Variants in FBXL17 observed in about 807,000 individuals in gnomAD.
FBXL17 encodes F-box/LRR-repeat protein 17.
FBXL17 carries 22 observed loss-of-function variants against 66.2 expected under a neutral mutation model. The observed-to-expected ratio is 0.33, with a 90% confidence interval of 0.24 to 0.47. The LOEUF (loss-of-function observed/expected upper bound fraction) is 0.47. Ranked by LOEUF, FBXL17 falls within the 20% of genes least tolerant of loss-of-function variation. FBXL17 has a pLI of 1.00. For missense variants in FBXL17, 878 were observed against 948.2 expected (o/e 0.93, Z 0.97); for synonymous variants, 474 against 400.5 (o/e 1.18, Z -2.19).
intron 6 of FBXL17, among the ~76,000 whole-genome samples, chr5:108,050,743 C>G (rs1237101625): frequency 4.6e-5 from 7 of 151,794 alleles, no homozygotes; most frequent in Non-Finnish European, 1.0e-4. Context: ...GAAACTCCCC[C>G]CCAAAAAATG....
intron 7 of FBXL17, among the ~76,000 whole-genome samples, chr5:107,965,992 C>T (rs1014038940): frequency 2.6e-5 from 4 of 152,126 alleles, no homozygotes; most frequent in African/African-American, 7.2e-5. Context: ...CTGACTAAAA[C>T]AAACAAAAGG....
chr5:107,998,543 T>C (rs1753573193), intron 7 of FBXL17, among the ~76,000 whole-genome samples: 1 of 151,762 alleles, frequency 6.6e-6, no homozygotes, highest in African/African-American at 2.4e-5. Context: ...TAATTCTAAA[T>C]ATATATATTC....
At chr5:108,222,540 T>C (rs1035296470) in intron 5 of FBXL17, among the ~76,000 whole-genome samples, 1 of 152,152 alleles carries the variant, frequency 6.6e-6, no homozygotes, top group Non-Finnish European at 1.5e-5. Context: ...ACAATAAAAT[T>C]AAAGCTAATC....
At chr5:108,173,733 A>G (rs1752692541) in intron 6 of FBXL17, among the ~76,000 whole-genome samples, 3 of 152,236 alleles carry the variant, frequency 2.0e-5, no homozygotes, top group Admixed American at 1.3e-4. Flanking sequence ...AATATGGTGA[A>G]CAGAGAAACA....
chr5:107,982,338 T>C (rs1397710079), intron 7 of FBXL17, among the ~76,000 whole-genome samples: 2 of 152,172 alleles, frequency 1.3e-5, no homozygotes. Context: ...AAGGCTTTTA[T>C]ATTAGGATGT....
At chr5:107,944,914 G>T (rs574905137) in intron 7 of FBXL17, among the ~76,000 whole-genome samples, 36 of 152,012 alleles carry the variant, frequency 2.4e-4, no homozygotes, top group African/African-American at 8.4e-4. Context: ...CAAAGCAAAA[G>T]ATAACTTCAA....
At chr5:108,067,970 C>T (rs1748180479) in intron 6 of FBXL17, among the ~76,000 whole-genome samples, 1 of 152,146 alleles carries the variant, frequency 6.6e-6, no homozygotes. Context: ...CAGCACATAT[C>T]CTCAAATTGC....
intron 4 of FBXL17, among the ~76,000 whole-genome samples, chr5:108,291,492 C>A (rs4463170): frequency 0.043 from 6,532 of 152,260 alleles, 767 homozygotes; most frequent in East Asian, 0.39. Flanking sequence ...AGGCTCTACA[C>A]AGGCATTTAT....
intron 4 of FBXL17, among the ~76,000 whole-genome samples, chr5:108,330,957 G>A (rs532800115): frequency 6.6e-5 from 10 of 152,226 alleles, no homozygotes; most frequent in Admixed American, 5.2e-4. Flanking sequence ...GGAGGCTGAG[G>A]CAGGACTGTC....
Position 108,136,995 on chromosome 5 carries a change from TGATTA to T in FBXL17, c.1745+49117_1745+49121del, listed in dbSNP as rs545780041. Reference sequence around the variant, plus strand: ...TCAAATTCCAAGAAACTCATTTTGATGATTAGATAACATCATCCAATCTTTCAAAG... The same window carrying T: ...TCAAATTCCAAGAAACTCATTTTGATGATAACATCATCCAATCTTTCAAAG... On this transcript the variant is annotated intron_variant, in intron 6 of 8. Transcript: ENST00000542267. Among the ~76,000 whole-genome samples the T allele has an allele frequency of 3.0e-4, 46 of 152,300 alleles. 2 individuals carry two copies. The South Asian group carries it at 9.3e-3, about 31-fold the overall frequency.
chr5:108,189,443 T>C (rs1332775054), intron 5 of FBXL17, among the ~76,000 whole-genome samples: 1 of 152,020 alleles, frequency 6.6e-6, no homozygotes, highest in African/African-American at 2.4e-5. Context: ...CGGAAAATAA[T>C]AGTCTGAAAG....
intron 6 of FBXL17, among the ~76,000 whole-genome samples, chr5:108,096,767 A>G (rs532621708): frequency 6.6e-6 from 1 of 152,302 alleles, no homozygotes; most frequent in Non-Finnish European, 1.5e-5. Flanking sequence ...GAGCAATGGG[A>G]GGACAGTATG....
intron 4 of FBXL17, among the ~76,000 whole-genome samples, chr5:108,243,621 C>T (rs1179326498): frequency 6.6e-6 from 1 of 152,142 alleles, no homozygotes; most frequent in Non-Finnish European, 1.5e-5. Flanking sequence ...AGTGTTTTAA[C>T]TCTCTGAAAG....
intron 7 of FBXL17, among the ~76,000 whole-genome samples, chr5:107,969,737 T>C (rs1752296946): frequency 3.3e-5 from 5 of 152,140 alleles, no homozygotes; most frequent in African/African-American, 1.2e-4. Flanking sequence ...GGCTGCAATT[T>C]AAACTACTGC....
chr5:108,182,618 A>G (rs1753048727), intron 6 of FBXL17, among the ~76,000 whole-genome samples: 1 of 152,220 alleles, frequency 6.6e-6, no homozygotes, highest in African/African-American at 2.4e-5. Context: ...ACATAAAAAT[A>G]CACTTTCATT....
At chr5:108,299,655 A>G (rs894376030) in intron 4 of FBXL17, 5 of 376,256 alleles carry the variant, frequency 1.3e-5, no homozygotes, top group Non-Finnish European at 1.8e-5. Context: ...AATTAAAATT[A>G]AAAAAAAAAA....
At chr5:108,298,956 A>C in intron 4 of FBXL17, 1 of 960,256 alleles carries the variant, frequency 1.0e-6, no homozygotes, top group Non-Finnish European at 1.2e-6. Context: ...TCAGTTTCAT[A>C]TATAGTGCCA....
At position 108,224,524 on chromosome 5, in the gene FBXL17, T is replaced by C. The variant is rs1161798580; in HGVS notation, c.1507-296A>G. ...CTCTGTGTGTGTATATATATGTATA[T>C]GTATACACACACACACACACACACA... On this transcript the variant is annotated intron_variant, in intron 4 of 8. Coordinates refer to ENST00000542267, the MANE Select transcript of FBXL17 (RefSeq NM_001163315.3). Among the ~76,000 whole-genome samples the C allele has an allele frequency of 3.0e-5, 4 of 134,510 alleles. No individual in the cohort carries two copies. The East Asian group carries it at 1.1e-3, about 36-fold the overall frequency. 88.2% of individuals were successfully genotyped at this position (134,510 alleles called of 152,430 possible).
chr5:108,243,241 C>T (rs9328031), intron 4 of FBXL17, among the ~76,000 whole-genome samples: 151,911 of 152,340 alleles, frequency 1, 75,744 homozygotes, highest in Middle Eastern at 1. Context: ...AAGTTAAATA[C>T]GACCTAACCA....
Sources: gnomAD v4.1 joint callset for allele counts (sites outside exome capture counted in the v4.1 genomes callset) on GRCh38, gnomAD v4.1.1 for gene constraint, MANE v1.5 for transcripts, NCBI Gene and HGNC (gene_info 2026-07-23, HGNC 2026-07-21) for gene names.